HERC6: variants seen among roughly 807,000 people sequenced by gnomAD.
HERC6 encodes probable E3 ubiquitin-protein ligase HERC6.
In HERC6, 101 loss-of-function variants were observed where a neutral mutation model predicts 114.5. The observed-to-expected ratio is 0.88, with a 90% confidence interval of 0.75 to 1.04. The LOEUF is 1.04. Ranked by LOEUF, HERC6 falls within the 50% of genes least tolerant of loss-of-function variation. HERC6 has a pLI of 0.00. For missense variants in HERC6, 1,133 were observed against 1,230.9 expected, an observed-to-expected ratio of 0.92 and a Z score of 1.19; for synonymous variants, 408 against 436.2, an observed-to-expected ratio of 0.94 and a Z score of 0.81.
rs1429532424 is a variant in HERC6 at position 88,436,929 on chromosome 4, T to C, written c.2442T>C (p.Asp814=). ...LGKSLQEVLD[D]AADDIGDALC... is the part of the protein sequence containing the mutation. ...GGAGTTTGCAAGAAGTTCTAGATGA[T>C]GCTGCTGATGACATTGGAGATGCGC... The change falls in exon 19 of 23, where the codon GAT becomes GAC. Residue 814 remains aspartate (D), a synonymous_variant. Coordinates refer to ENST00000264346, the MANE Select transcript of HERC6 (RefSeq NM_017912.4). 1.2e-6 allele frequency: 2 copies of C among 1,606,494 alleles called. No individual in the cohort carries two copies. Among genetic ancestry groups the C allele is most frequent in the African/African-American group, 2.7e-5 (2 of 74,776 alleles).
Position 88,383,348 on chromosome 4 carries a change from T to C in HERC6, c.327T>C (p.Ile109=). The C allele has an allele frequency of 1.3e-6, 2 of 1,524,382 alleles. No homozygotes were observed. The allele number at this position is 1,524,382 out of a possible 1,614,324, so 94.4% of individuals were successfully genotyped here. The change falls in exon 2 of 23, where the codon ATT becomes ATC. Residue 109 remains isoleucine, a synonymous_variant. Coordinates refer to ENST00000264346, the MANE Select transcript of HERC6 (RefSeq NM_017912.4). ...CTGGTTCTGAAGGGCAGCTGGGGAT[T>C]GGAGAATTCAAGGAAATAAGTTTCA... ...WGAGSEGQLG[I]GEFKEISFTP...
At chr4:88,438,382 T>C (rs1012427661) in intron 20 of HERC6, among the ~76,000 whole-genome samples, 14 of 152,066 alleles carry the variant, frequency 9.2e-5, no homozygotes, top group African/African-American at 2.9e-4. Flanking sequence ...TAAATTCCAG[T>C]GGGGCAGAAA....
chr4:88,407,376 C>T (rs762769583), intron 10 of HERC6, among the ~76,000 whole-genome samples: 9 of 151,910 alleles, frequency 5.9e-5, no homozygotes, highest in East Asian at 1.9e-4. Flanking sequence ...CCACTATGCT[C>T]GGCATTTTGT....
intron 6 of HERC6, 73 bp from the exon 7 acceptor site, chr4:88,396,778 C>A: frequency 7.4e-7 from 1 of 1,359,542 alleles, no homozygotes; most frequent in Non-Finnish European, 9.7e-7. Context: ...GTTATTTTGT[C>A]TTAAGGGACA....
chr4:88,394,823 G>A (rs944021067), intron 5 of HERC6, among the ~76,000 whole-genome samples: 1 of 152,118 alleles, frequency 6.6e-6, no homozygotes, highest in Admixed American at 6.6e-5. Flanking sequence ...GAGATTACAG[G>A]CATGAGCCAC....
Position 88,405,588 on chromosome 4 carries a change from C to G in HERC6, c.1249C>G (p.Leu417Val). 6.5e-7 allele frequency: 1 copy of G among 1,537,668 alleles called. No homozygotes were observed. Among genetic ancestry groups the G allele is most frequent in the Non-Finnish European group, 8.8e-7 (1 of 1,131,802 alleles). Reference sequence around the variant, plus strand: ...AATGATATTTTCATCTCCTGCTTGTCTGACTGCAAGTTTTTTAAAGAAAAG... The same window carrying G: ...AATGATATTTTCATCTCCTGCTTGTGTGACTGCAAGTTTTTTAAAGAAAAG... The part of the protein sequence containing the change: ...IRMIFSSPAC[L>V]TASFLKKRGT... Residue 417 changes from leucine to valine, a missense_variant, in exon 10 of 23, where the codon CTG becomes GTG. Around this residue, in one of 3 missense-constraint regions of HERC6, gnomAD observed 735 missense variants for 754.0 expected, o/e 0.97. Coordinates refer to ENST00000264346, the MANE Select transcript of HERC6 (RefSeq NM_017912.4).
At chr4:88,433,729 G>A (rs759409731) in intron 17 of HERC6, among the ~76,000 whole-genome samples, 4 of 152,022 alleles carry the variant, frequency 2.6e-5, no homozygotes, top group Admixed American at 1.3e-4. Flanking sequence ...TAAATTACCC[G>A]GTTTCAGATA....
chr4:88,388,047 A>C (rs1220999382), intron 3 of HERC6, among the ~76,000 whole-genome samples: 1 of 152,272 alleles, frequency 6.6e-6, no homozygotes, highest in African/African-American at 2.4e-5. Flanking sequence ...AGAGTTAAAA[A>C]ATAAAAGATG....
chr4:88,425,558 G>T (rs749777219), intron 15 of HERC6, among the ~76,000 whole-genome samples: 2 of 152,054 alleles, frequency 1.3e-5, no homozygotes, highest in African/African-American at 4.8e-5. Flanking sequence ...GCTTCTTGGA[G>T]CTTGATTTAT....
intron 6 of HERC6, 37 bp downstream of exon 6, chr4:88,396,179 G>A (rs1735221819): frequency 6.7e-7 from 1 of 1,493,498 alleles, no homozygotes; most frequent in Non-Finnish European, 8.9e-7. Context: ...CTTAGCATGT[G>A]TAGAAAGTGT....
At chr4:88,403,631 G>A (rs1438727161) in intron 8 of HERC6, among the ~76,000 whole-genome samples, 3 of 152,144 alleles carry the variant, frequency 2.0e-5, no homozygotes, top group East Asian at 1.9e-4. Flanking sequence ...GCAGGTGCCT[G>A]TAGTCCCAGC....
chr4:88,440,116 C>G, intron 21 of HERC6, 32 bp from the exon 22 acceptor site: 1 of 1,602,752 alleles, frequency 6.2e-7, no homozygotes, highest in Non-Finnish European at 8.5e-7. Context: ...TTCCACCCCA[C>G]TCAAATCATT....
chr4:88,422,622 G>T (rs1737179207), intron 13 of HERC6, among the ~76,000 whole-genome samples: 1 of 152,072 alleles, frequency 6.6e-6, no homozygotes, highest in African/African-American at 2.4e-5. Flanking sequence ...AGATTTCAAA[G>T]ATTCCATTTG....
At chr4:88,413,581 C>G (rs1052541349) in intron 12 of HERC6, among the ~76,000 whole-genome samples, 1 of 152,194 alleles carries the variant, frequency 6.6e-6, no homozygotes. Flanking sequence ...TCAATCCATA[C>G]TTTAAAATTT....
At chr4:88,389,288 C>G (rs1404616082) in intron 3 of HERC6, among the ~76,000 whole-genome samples, 1 of 152,036 alleles carries the variant, frequency 6.6e-6, no homozygotes, top group Non-Finnish European at 1.5e-5. Flanking sequence ...GGGAGTTGGT[C>G]CGTCATTGAG....
chr4:88,403,253 T>A (rs537197970), intron 8 of HERC6, among the ~76,000 whole-genome samples: 1 of 152,240 alleles, frequency 6.6e-6, no homozygotes, highest in Non-Finnish European at 1.5e-5. Flanking sequence ...CCTGACCCAC[T>A]GAAGCAGAAA....
At chr4:88,393,305 A>T (rs957455318) in intron 4 of HERC6, among the ~76,000 whole-genome samples, 183 bp from the exon 5 acceptor site, 2 of 129,094 alleles carry the variant, frequency 1.5e-5, no homozygotes, top group Non-Finnish European at 3.0e-5. Context: ...CCCCTTACAT[A>T]AAAAAAAAAG....
At chr4:88,394,916 T>A (rs1735148120) in intron 5 of HERC6, among the ~76,000 whole-genome samples, 1 of 152,212 alleles carries the variant, frequency 6.6e-6, no homozygotes, top group Non-Finnish European at 1.5e-5. Flanking sequence ...AAGTAATTTT[T>A]ACAGTTTTCA....
chr4:88,392,354 C>CT (rs974574009), intron 4 of HERC6, among the ~76,000 whole-genome samples: 4 of 151,064 alleles, frequency 2.6e-5, no homozygotes, highest in Non-Finnish European at 5.9e-5. Context: ...GGTCTTGAAG[C>CT]TTAGCTTTCT....
Sources: gnomAD v4.1 joint callset for allele counts (sites outside exome capture counted in the v4.1 genomes callset) on GRCh38, gnomAD v4.1.1 for gene constraint, gnomAD v4.1.1 regional missense constraint, MANE v1.5 for transcripts, NCBI Gene and HGNC (gene_info 2026-07-23, HGNC 2026-07-21) for gene names.